RAB6B: variants seen among roughly 807,000 people sequenced by gnomAD.
RAB6B encodes the protein ras-related protein Rab-6B.
A neutral mutation model predicts 31.2 loss-of-function variants in RAB6B; 7 were observed. The ratio of observed to expected loss-of-function variants is 0.22; its 90% CI spans 0.13 to 0.42. RAB6B has a LOEUF of 0.42. Among genes scored for constraint, RAB6B ranks in the 10% least tolerant of loss-of-function variants. The probability of loss-of-function intolerance (pLI) is 1.00; values close to 1 mark genes in which losing one functional copy is unlikely to be tolerated. For missense variants in RAB6B, 149 were observed against 280.6 expected, an observed-to-expected ratio of 0.53 and a Z score of 3.35; for synonymous variants, 105 against 104.9, an observed-to-expected ratio of 1.00 and a Z score of -0.01.
intron 1 of RAB6B, among the ~76,000 whole-genome samples, chr3:133,879,216 A>C (rs1355976340): frequency 6.6e-6 from 1 of 152,218 alleles, no homozygotes; most frequent in Non-Finnish European, 1.5e-5. Context: ...TAATCCTAAA[A>C]CTGTGTCAAA....
intron 1 of RAB6B, among the ~76,000 whole-genome samples, chr3:133,892,187 C>A (rs1936647185): frequency 6.6e-6 from 1 of 152,168 alleles, no homozygotes; most frequent in South Asian, 2.1e-4. Context: ...ATGTCTCCTA[C>A]CACTGCCATC....
chr3:133,832,311 G>A (rs1286993015), intron 7 of RAB6B, among the ~76,000 whole-genome samples: 1 of 152,120 alleles, frequency 6.6e-6, no homozygotes, highest in Non-Finnish European at 1.5e-5. Flanking sequence ...GGAGGGTGCT[G>A]CTGGGCAGAA....
intron 7 of RAB6B, 73 bp from the exon 8 acceptor site, chr3:133,828,925 C>T: frequency 1.5e-6 from 2 of 1,349,664 alleles, no homozygotes; most frequent in Non-Finnish European, 2.0e-6. Context: ...GTGCACTGTA[C>T]CCTTTGGCTA....
intron 6 of RAB6B, among the ~76,000 whole-genome samples, chr3:133,837,651 G>A (rs1935756073): frequency 6.6e-6 from 1 of 152,208 alleles, no homozygotes; most frequent in East Asian, 1.9e-4. Flanking sequence ...CCCTCATGCT[G>A]CAAGGCTCAG....
chr3:133,845,356 G>T (rs1480142140), intron 2 of RAB6B, among the ~76,000 whole-genome samples: 4 of 152,218 alleles, frequency 2.6e-5, no homozygotes, highest in African/African-American at 9.6e-5. Flanking sequence ...GGAGCACCCT[G>T]GCTCCCCTCT....
At chr3:133,841,181 CA>C in intron 4 of RAB6B, 103 bp downstream of exon 4, 1 of 1,050,216 alleles carries the variant, frequency 9.5e-7, no homozygotes. Flanking sequence ...TGCGTGTGCA[CA>C]CACATGCGTG....
intron 2 of RAB6B, among the ~76,000 whole-genome samples, chr3:133,847,830 T>TTGCTTTCCACGA (rs1414008988): frequency 2.0e-5 from 3 of 152,210 alleles, no homozygotes. Context: ...TGTTTCTTCT[T>TTGCTTTCCACGA]TGCTTTCCAC....
intron 2 of RAB6B, among the ~76,000 whole-genome samples, chr3:133,845,151 AC>A (rs1436945021): frequency 1.3e-5 from 2 of 152,228 alleles, no homozygotes; most frequent in Non-Finnish European, 2.9e-5. Flanking sequence ...TGAGGGTTAC[AC>A]CAGAGGACTC....
intron 2 of RAB6B, among the ~76,000 whole-genome samples, chr3:133,855,012 TTTTA>T (rs772437571): frequency 4.6e-5 from 7 of 152,248 alleles, no homozygotes; most frequent in Admixed American, 3.9e-4. Context: ...GTGCGTCTTC[TTTTA>T]GCCTTGGCCA....
chr3:133,868,527 C>A (rs76930670), intron 1 of RAB6B, among the ~76,000 whole-genome samples: 1 of 152,218 alleles, frequency 6.6e-6, no homozygotes, highest in South Asian at 2.1e-4. Flanking sequence ...CCGCAGCTCT[C>A]GGACACCACT....
intron 6 of RAB6B, 35 bp from the exon 7 acceptor site, chr3:133,834,676 C>A: frequency 1.3e-6 from 2 of 1,591,850 alleles, no homozygotes; most frequent in Non-Finnish European, 1.7e-6. Flanking sequence ...TGAACCCCAA[C>A]CCTGGCCCTC....
intron 7 of RAB6B, among the ~76,000 whole-genome samples, chr3:133,832,477 T>TTA (rs1935668619): frequency 6.6e-6 from 1 of 152,154 alleles, no homozygotes; most frequent in Non-Finnish European, 1.5e-5. Flanking sequence ...TGTGAACAGT[T>TTA]TATACAGCGC....
rs745330518 is a variant in RAB6B, at chr3:133,838,176, T to C, written c.485A>G (p.Asn162Ser). Reference protein sequence around the residue: ...FIETSAKTGYNVKQLFRRVAS... With the variant: ...FIETSAKTGYSVKQLFRRVAS... ...CAGGTGTGTCCTCACCTGCTTCACG[T>C]TGTAGCCAGTCTTCGCACTGGTCTC... Residue 162 changes from asparagine to serine, a missense_variant, in exon 6 of 8, where the codon AAC becomes AGC. By Grantham distance (46) the Asn-to-Ser change is conservative (BLOSUM62 1). Transcript: ENST00000285208. 2 of 1,613,942 alleles carry C rather than the reference T, an allele frequency of 1.2e-6. No homozygotes were observed. The highest frequency in any genetic ancestry group is 1.3e-5 in the African/African-American group (1 of 74,934).
At chr3:133,848,817 A>T (rs956356469) in intron 2 of RAB6B, among the ~76,000 whole-genome samples, 1 of 151,862 alleles carries the variant, frequency 6.6e-6, no homozygotes, top group Non-Finnish European at 1.5e-5. Context: ...CACAATGGGA[A>T]TTCAATTTCA....
rs114794026 is a variant in RAB6B at position 133,852,298 on chromosome 3, A to G, written c.130-10635T>C. On this transcript the variant is annotated intron_variant, in intron 2 of 7. Transcript: ENST00000285208. Reference sequence around the variant, plus strand: ...CTCCAGGATGGTTTTAGCAGCAAGTAAGCCAGATTATGCTGGCATTGCACT... The same window carrying G: ...CTCCAGGATGGTTTTAGCAGCAAGTGAGCCAGATTATGCTGGCATTGCACT... Among the ~76,000 whole-genome samples the G allele has an allele frequency of 6.4e-3, 973 of 152,252 alleles. 14 individuals carry two copies. Among genetic ancestry groups the G allele is most frequent in the African/African-American group, 0.022 (930 of 41,528 alleles).
At position 133,828,738 on chromosome 3, in the gene RAB6B, G is replaced by A; in HGVS notation, c.*50C>T. On this transcript the variant is annotated 3_prime_UTR_variant, in exon 8 of 8. Transcript: ENST00000285208. ...CCCTTAGGAAGCTAGCCAATAGGAAGCAACACAACAAGCAAGGAGTGTCAT... is the reference window on the plus strand; with the variant it reads ...CCCTTAGGAAGCTAGCCAATAGGAAACAACACAACAAGCAAGGAGTGTCAT... 6.6e-7 allele frequency: 1 copy of A among 1,525,022 alleles called. No individual in the cohort carries two copies. The highest frequency in any genetic ancestry group is 9.1e-7 in the Non-Finnish European group (1 of 1,104,500). The allele number at this position is 1,525,022 out of a possible 1,614,324, so 94.5% of individuals were successfully genotyped here.
chr3:133,828,336 T>C lies in RAB6B; in HGVS notation c.*452A>G. The C allele has an allele frequency of 2.8e-6, 1 of 351,630 alleles. No homozygotes were observed. Among genetic ancestry groups the C allele is most frequent in the South Asian group, 3.9e-5 (1 of 25,900 alleles). 21.8% of individuals were successfully genotyped at this position (351,630 alleles called of 1,614,324 possible). ...TTGCTCAGTTAATTGTTTTAATTTA[T>C]TGGGCTGGGGATAGGAGGAAGGCAG... On this transcript the variant is annotated 3_prime_UTR_variant, in exon 8 of 8. Transcript: ENST00000285208.
At chr3:133,892,058 G>C (rs745725955) in intron 1 of RAB6B, among the ~76,000 whole-genome samples, 4 of 152,112 alleles carry the variant, frequency 2.6e-5, no homozygotes, top group Non-Finnish European at 5.9e-5. Flanking sequence ...TGCCATTAGA[G>C]CTTAGGAGGA....
intron 6 of RAB6B, among the ~76,000 whole-genome samples, chr3:133,836,655 C>T (rs1255407537): frequency 2.0e-5 from 3 of 152,106 alleles, no homozygotes; most frequent in African/African-American, 7.2e-5. Flanking sequence ...CCTGCCCTCC[C>T]TCTGCTTCCC....
Sources: allele counts gnomAD v4.1 joint callset (sites outside exome capture counted in the v4.1 genomes callset), GRCh38; gene constraint gnomAD v4.1.1; transcripts MANE v1.5; gene names NCBI Gene and HGNC (gene_info 2026-07-23, HGNC 2026-07-21).